The following CADPS variants were observed in gnomAD, a reference collection of about 807,000 sequenced individuals.
CADPS encodes calcium-dependent secretion activator 1.
A neutral mutation model predicts 167.3 loss-of-function variants in CADPS; 57 were observed. The ratio of observed to expected loss-of-function variants is 0.34; its 90% CI spans 0.28 to 0.42. The LOEUF is 0.42. Among genes scored for constraint, CADPS ranks in the 20% least tolerant of loss-of-function variants. The probability of loss-of-function intolerance (pLI) is 1.00; values close to 1 mark genes in which losing one functional copy is unlikely to be tolerated. For missense variants in CADPS, 1,414 were observed against 1,738.1 expected (o/e 0.81, Z 3.32); for synonymous variants, 676 against 635.3 (o/e 1.06, Z -0.96).
intron 1 of CADPS, among the ~76,000 whole-genome samples, chr3:62,798,010 C>T (rs2093544863): frequency 6.6e-6 from 1 of 152,134 alleles, no homozygotes; most frequent in Admixed American, 6.6e-5. Flanking sequence ...GTGTTCTAGG[C>T]ACTACATTTG....
intron 3 of CADPS, among the ~76,000 whole-genome samples, chr3:62,663,611 C>CAAAAAA (rs34328613): frequency 1.7e-5 from 2 of 120,224 alleles, no homozygotes; most frequent in Non-Finnish European, 1.7e-5. Flanking sequence ...TCCCTGCCTC[C>CAAAAAA]AAAAAAAAAA....
At chr3:62,652,446 T>G (rs1276446082) in intron 4 of CADPS, among the ~76,000 whole-genome samples, 1 of 150,376 alleles carries the variant, frequency 6.6e-6, no homozygotes, top group Non-Finnish European at 1.5e-5. Context: ...CATATGGGCA[T>G]CTGAGTCAAG....
intron 4 of CADPS, among the ~76,000 whole-genome samples, chr3:62,657,184 A>G (rs2071842941): frequency 6.6e-6 from 1 of 152,186 alleles, no homozygotes; most frequent in Non-Finnish European, 1.5e-5. Context: ...TTTCCATCAG[A>G]TAAATATTTG....
Position 62,515,385 on chromosome 3 carries a change from A to T in CADPS, c.2581+674T>A, listed in dbSNP as rs2068733238. Among the ~76,000 whole-genome samples, 3 of 151,960 alleles carry T rather than the reference A, an allele frequency of 2.0e-5. No individual in the cohort carries two copies. In the South Asian group the frequency reaches 6.2e-4, roughly 32 times the overall value. On this transcript the variant is annotated intron_variant, in intron 16 of 29. Coordinates refer to ENST00000383710, the MANE Select transcript of CADPS (RefSeq NM_003716.4). ...ACCTTCGTGGATGAATAGGTCCCAA[A>T]GAACCATATCTTCTCAAGTAGAGTT...
chr3:62,682,671 C>T (rs2077338532), intron 3 of CADPS, among the ~76,000 whole-genome samples: 2 of 152,010 alleles, frequency 1.3e-5, no homozygotes, highest in South Asian at 4.1e-4. Flanking sequence ...AGGATGGTAC[C>T]AGAGGCAGTT....
At chr3:62,773,896 T>C (rs1424124062) in intron 1 of CADPS, among the ~76,000 whole-genome samples, 1 of 152,186 alleles carries the variant, frequency 6.6e-6, no homozygotes, top group Admixed American at 6.5e-5. Flanking sequence ...AATTATTTAA[T>C]AATAGACCAA....
chr3:62,689,206 A>C (rs1425061343), intron 3 of CADPS, among the ~76,000 whole-genome samples: 1 of 151,708 alleles, frequency 6.6e-6, no homozygotes, highest in Non-Finnish European at 1.5e-5. Context: ...AGCACAATTA[A>C]TTTTTCCATG....
chr3:62,804,865 C>T (rs1037662589), intron 1 of CADPS, among the ~76,000 whole-genome samples: 1 of 151,898 alleles, frequency 6.6e-6, no homozygotes, highest in African/African-American at 2.4e-5. Flanking sequence ...TATGTCCTGA[C>T]CTTATAATGG....
intron 1 of CADPS, among the ~76,000 whole-genome samples, chr3:62,826,452 G>C (rs2074054892): frequency 6.6e-6 from 1 of 152,070 alleles, no homozygotes; most frequent in Non-Finnish European, 1.5e-5. Flanking sequence ...AGGGGATATA[G>C]GATCTCTGTC....
At chr3:62,468,108 T>C (rs1193564911) in intron 24 of CADPS, among the ~76,000 whole-genome samples, 2 of 152,162 alleles carry the variant, frequency 1.3e-5, no homozygotes, top group African/African-American at 4.8e-5. Context: ...CTAAGTGGCA[T>C]AAACCTGAAG....
intron 26 of CADPS, among the ~76,000 whole-genome samples, chr3:62,451,592 C>T (rs1323985997): frequency 1.3e-5 from 2 of 151,832 alleles, no homozygotes; most frequent in African/African-American, 4.8e-5. Context: ...TGCCCGAGCG[C>T]CCCATGATCT....
At chr3:62,680,686 C>T (rs2077022164) in intron 3 of CADPS, among the ~76,000 whole-genome samples, 1 of 152,048 alleles carries the variant, frequency 6.6e-6, no homozygotes, top group Non-Finnish European at 1.5e-5. Flanking sequence ...AAGCACACAT[C>T]TGGTCCTGTC....
intron 3 of CADPS, among the ~76,000 whole-genome samples, chr3:62,710,246 T>C (rs1299250216): frequency 6.6e-6 from 1 of 151,902 alleles, no homozygotes; most frequent in African/African-American, 2.4e-5. Context: ...TAGGTGGTTC[T>C]CAATCCTGGA....
intron 28 of CADPS, among the ~76,000 whole-genome samples, chr3:62,425,280 G>A (rs896596579): frequency 6.6e-6 from 1 of 152,090 alleles, no homozygotes; most frequent in African/African-American, 2.4e-5. Context: ...GGGCTGTCTT[G>A]TTCATGGTAG....
chr3:62,501,200 T>C (rs113978422), intron 17 of CADPS, among the ~76,000 whole-genome samples: 146 of 152,344 alleles, frequency 9.6e-4, no homozygotes, highest in African/African-American at 2.9e-3. Context: ...GCTTAGGTGC[T>C]GAGAGCCCAT....
chr3:62,484,762 T>C (rs2150928679), intron 21 of CADPS, among the ~76,000 whole-genome samples: 1 of 152,292 alleles, frequency 6.6e-6, no homozygotes, highest in East Asian at 1.9e-4. Context: ...ATCAAGACAC[T>C]GACTCCATGC....
At chr3:62,428,038 T>G (rs966415631) in intron 28 of CADPS, among the ~76,000 whole-genome samples, 3 of 152,156 alleles carry the variant, frequency 2.0e-5, no homozygotes, top group Non-Finnish European at 4.4e-5. Flanking sequence ...CCAAAGGCAG[T>G]CAAGGCAGCC....
chr3:62,490,304 A>G (rs981746608), intron 21 of CADPS, among the ~76,000 whole-genome samples: 1 of 151,564 alleles, frequency 6.6e-6, no homozygotes, highest in African/African-American at 2.4e-5. Flanking sequence ...GATTTCCTTA[A>G]AAAAAGAAAG....
In CADPS at chr3:62,731,847, GGA is replaced by G. The variant is rs2077952782; in HGVS notation, c.888+21592_888+21593del. Among the ~76,000 whole-genome samples, 478 of 113,386 alleles carry G rather than the reference GGA, an allele frequency of 4.2e-3. 3 individuals carry two copies. The highest frequency in any genetic ancestry group is 0.016 in the African/African-American group (447 of 27,376). 74.4% of individuals were successfully genotyped at this position (113,386 alleles called of 152,430 possible). A position where few individuals can be genotyped will look rare whatever the true frequency, so the allele number is the denominator to read the frequency against. Reference sequence around the variant, plus strand: ...AAAAAAAAAGTAAAGAAGGAAGAAAGGAAAGAAAGGAAAGAAAGGGTAATTCG... The same window carrying G: ...AAAAAAAAAGTAAAGAAGGAAGAAAGAAGAAAGGAAAGAAAGGGTAATTCG... On this transcript the variant is annotated intron_variant, in intron 3 of 29. Coordinates refer to ENST00000383710, the MANE Select transcript of CADPS (RefSeq NM_003716.4).
Sources: gnomAD v4.1 joint callset for allele counts (sites outside exome capture counted in the v4.1 genomes callset) on GRCh38, gnomAD v4.1.1 for gene constraint, MANE v1.5 for transcripts, NCBI Gene and HGNC (gene_info 2026-07-23, HGNC 2026-07-21) for gene names.